The following CNTNAP2 variants were observed in gnomAD, a reference collection of about 807,000 sequenced individuals.
The protein encoded by CNTNAP2 is contactin associated protein 2.
Under a neutral mutation model 155.2 loss-of-function variants are expected in CNTNAP2, and 98 were observed. That is an observed-to-expected ratio of 0.63 (90% CI 0.54 to 0.75). CNTNAP2 has a LOEUF of 0.75. CNTNAP2 is among the 30% of genes least tolerant of loss of function. The pLI is 0.00. For missense variants in CNTNAP2, 1,727 were observed against 1,688.1 expected (o/e 1.02, Z -0.40); for synonymous variants, 651 against 631.2 (o/e 1.03, Z -0.47).
intron 8 of CNTNAP2, among the ~76,000 whole-genome samples, chr7:147,273,874 T>A (rs1804825468): frequency 6.8e-6 from 1 of 147,712 alleles, no homozygotes; most frequent in African/African-American, 2.5e-5. Flanking sequence ...GTAATATATG[T>A]ATATTATATA....
chr7:148,409,908 G>T (rs1236760480), intron 23 of CNTNAP2, among the ~76,000 whole-genome samples: 1 of 93,052 alleles, frequency 1.1e-5, no homozygotes, highest in African/African-American at 4.8e-5. Flanking sequence ...AAAATTAGCC[G>T]GGCGCAGTGG....
chr7:147,752,405 G>A (rs1250473813), intron 13 of CNTNAP2, among the ~76,000 whole-genome samples: 1 of 152,180 alleles, frequency 6.6e-6, no homozygotes, highest in African/African-American at 2.4e-5. Flanking sequence ...GATGACAGAC[G>A]AACGAGTTGA....
intron 1 of CNTNAP2, among the ~76,000 whole-genome samples, chr7:146,237,593 C>T (rs374483651): frequency 6.6e-5 from 10 of 152,088 alleles, no homozygotes; most frequent in African/African-American, 1.7e-4. Context: ...TAGCATTTTC[C>T]GGTGCATGCA....
chr7:146,710,766 A>C (rs894687988), intron 1 of CNTNAP2, among the ~76,000 whole-genome samples: 2 of 152,120 alleles, frequency 1.3e-5, no homozygotes, highest in African/African-American at 4.8e-5. Context: ...TCATTAGAGC[A>C]ATCACTAATT....
chr7:146,393,036 C>A (rs1436055038), intron 1 of CNTNAP2, among the ~76,000 whole-genome samples: 1 of 152,144 alleles, frequency 6.6e-6, no homozygotes, highest in Non-Finnish European at 1.5e-5. Flanking sequence ...TCTTCACAGC[C>A]TCCGAATGAC....
At chr7:146,329,675 A>T (rs1801149809) in intron 1 of CNTNAP2, among the ~76,000 whole-genome samples, 2 of 152,158 alleles carry the variant, frequency 1.3e-5, no homozygotes, top group African/African-American at 2.4e-5. Context: ...ACCAAATTCT[A>T]ATGATATTTT....
Position 147,752,937 on chromosome 7 carries a change from C to T in CNTNAP2, c.2098+113631C>T, listed in dbSNP as rs60315505. Among the ~76,000 whole-genome samples the T allele has an allele frequency of 3.2e-3, 484 of 152,282 alleles. 1 individual carries two copies. The highest frequency in any genetic ancestry group is 0.011 in the African/African-American group (454 of 41,558). Reference sequence around the variant, plus strand: ...AATTTCTGTAGAGCAGAATTCACTGCATTCGTATCCTGCTGTCCAGTTTTG... The same window carrying T: ...AATTTCTGTAGAGCAGAATTCACTGTATTCGTATCCTGCTGTCCAGTTTTG... On this transcript the variant is annotated intron_variant, in intron 13 of 23. Transcript: ENST00000361727.
At chr7:147,960,945 CA>C (rs1388178976) in intron 14 of CNTNAP2, among the ~76,000 whole-genome samples, 1 of 151,822 alleles carries the variant, frequency 6.6e-6, no homozygotes, top group East Asian at 1.9e-4. Context: ...TTGAATATAA[CA>C]AAAAAACATA....
intron 1 of CNTNAP2, among the ~76,000 whole-genome samples, chr7:146,362,817 C>A (rs1253720759): frequency 2.3e-5 from 3 of 131,948 alleles, no homozygotes; most frequent in Middle Eastern, 5.7e-3. Context: ...TGTTGCCAGA[C>A]TGGAGTGCAG....
At chr7:146,486,088 A>G (rs557681411) in intron 1 of CNTNAP2, among the ~76,000 whole-genome samples, 13 of 93,898 alleles carry the variant, frequency 1.4e-4, no homozygotes, top group African/African-American at 5.6e-4. Flanking sequence ...TTTTTGAGAC[A>G]GAGTTTCGCT....
intron 8 of CNTNAP2, among the ~76,000 whole-genome samples, chr7:147,285,377 C>A (rs893111355): frequency 1.3e-5 from 2 of 151,714 alleles, no homozygotes; most frequent in East Asian, 3.9e-4. Flanking sequence ...AATTCAAGTT[C>A]TTTATGATTA....
intron 1 of CNTNAP2, among the ~76,000 whole-genome samples, chr7:146,656,791 T>G (rs1384063532): frequency 6.6e-6 from 1 of 152,196 alleles, no homozygotes. Context: ...AACACCTTAA[T>G]CAATTAATAT....
intron 13 of CNTNAP2, among the ~76,000 whole-genome samples, chr7:147,705,873 CGTTT>C (rs1458071987): frequency 4.6e-5 from 7 of 151,922 alleles, no homozygotes; most frequent in Admixed American, 1.3e-4. Flanking sequence ...TTAGCTATTC[CGTTT>C]GTTTGTGATT....
intron 8 of CNTNAP2, among the ~76,000 whole-genome samples, chr7:147,274,617 G>A (rs1331210530): frequency 1.3e-5 from 2 of 152,100 alleles, no homozygotes; most frequent in African/African-American, 2.4e-5. Context: ...CTTCCATTCT[G>A]TAGGTTGTCT....
At chr7:146,156,569 T>C (rs959640781) in intron 1 of CNTNAP2, among the ~76,000 whole-genome samples, 1 of 152,234 alleles carries the variant, frequency 6.6e-6, no homozygotes, top group Non-Finnish European at 1.5e-5. Context: ...ATTCACAAAG[T>C]TCTCCTCTAC....
chr7:146,160,283 C>A (rs538443642), intron 1 of CNTNAP2, among the ~76,000 whole-genome samples: 3 of 152,168 alleles, frequency 2.0e-5, no homozygotes, highest in African/African-American at 7.2e-5. Context: ...ATTAAAAGAA[C>A]TAGAAAAGCA....
intron 14 of CNTNAP2, among the ~76,000 whole-genome samples, chr7:147,927,013 C>G: frequency 6.6e-6 from 1 of 152,168 alleles, no homozygotes; most frequent in Non-Finnish European, 1.5e-5. Flanking sequence ...TTGACATTCA[C>G]TTCCAAAGTC....
At chr7:147,995,532 G>T (rs5003321) in intron 15 of CNTNAP2, among the ~76,000 whole-genome samples, 25,672 of 81,536 alleles carry the variant, frequency 0.31, 3,027 homozygotes, top group African/African-American at 0.48. Context: ...TTCTTTTGTT[G>T]TTTTTTTTTT....
intron 13 of CNTNAP2, among the ~76,000 whole-genome samples, chr7:147,723,684 A>G (rs7785335): frequency 0.048 from 7,251 of 151,898 alleles, 552 homozygotes; most frequent in African/African-American, 0.17. Context: ...CCAGCTTTTC[A>G]TATCACAAGC....
Sources: gnomAD v4.1 joint callset for allele counts (sites outside exome capture counted in the v4.1 genomes callset) on GRCh38, gnomAD v4.1.1 for gene constraint, MANE v1.5 for transcripts, NCBI Gene and HGNC (gene_info 2026-07-23, HGNC 2026-07-21) for gene names.